Variants in RIC8B observed in about 807,000 individuals in gnomAD.
RIC8B encodes chaperone Ric-8B.
RIC8B carries 16 observed loss-of-function variants against 57.5 expected under a neutral mutation model. The observed-to-expected ratio is 0.28, with a 90% CI of 0.19 to 0.42. The LOEUF (loss-of-function observed/expected upper bound fraction) is 0.42. RIC8B is among the 10% of genes least tolerant of loss of function. RIC8B has a pLI of 1.00. For missense variants in RIC8B, 481 were observed against 677.0 expected (o/e 0.71, Z 3.21); for synonymous variants, 216 against 250.8 (o/e 0.86, Z 1.31).
chr12:106,882,974 T>A lies in RIC8B; in HGVS notation c.1572-2930T>A, dbSNP rs1593419947. Among the ~76,000 whole-genome samples the A allele has an allele frequency of 3.9e-5, 6 of 152,306 alleles. No individual in the cohort carries two copies. The South Asian group carries it at 1.2e-3, about 32-fold the overall frequency. Reference sequence around the variant, plus strand: ...ATTTTTAATTATTTGCATAATTGGATTAGGGAGCAAGGGTAAAGCTGATAG... The same window carrying A: ...ATTTTTAATTATTTGCATAATTGGAATAGGGAGCAAGGGTAAAGCTGATAG... On this transcript the variant is annotated intron_variant, in intron 9 of 9. Coordinates refer to ENST00000392837, the MANE Select transcript of RIC8B (RefSeq NM_001330145.2).
chr12:106,837,121 T>C (rs1049445092), intron 4 of RIC8B, among the ~76,000 whole-genome samples: 1 of 152,216 alleles, frequency 6.6e-6, no homozygotes, highest in African/African-American at 2.4e-5. Context: ...CCCAGCACTT[T>C]GGGAGGCTGA....
intron 7 of RIC8B, among the ~76,000 whole-genome samples, chr12:106,856,572 A>G (rs1222084666): frequency 3.9e-5 from 6 of 152,260 alleles, no homozygotes; most frequent in Middle Eastern, 6.8e-3. Flanking sequence ...CTTAAGCATC[A>G]TCTCTGTGAA....
In RIC8B at chr12:106,788,500, G is replaced by A. The variant is rs190667088; in HGVS notation, c.132+4456G>A. 2.8e-3 allele frequency among the ~76,000 whole-genome samples: 422 copies of A among 152,274 alleles called. 1 individual carries two copies. Among genetic ancestry groups the A allele is most frequent in the African/African-American group, 9.3e-3 (385 of 41,550 alleles). On this transcript the variant is annotated intron_variant, in intron 2 of 9. Transcript: ENST00000392837. The stretch of plus-strand genomic sequence containing the variant: ...AGCAGAGGTTCTCCATGAGGGCCCC[G>A]CCCCTGCAGCAAACTTTTGCCTGGG...
intron 8 of RIC8B, 108 bp from the exon 9 acceptor site, chr12:106,870,715 T>G (rs1950366257): frequency 2.5e-6 from 2 of 814,964 alleles, no homozygotes; most frequent in Non-Finnish European, 3.5e-6. Context: ...TATTGCCAAT[T>G]TTTTGGCTAT....
intron 1 of RIC8B, among the ~76,000 whole-genome samples, chr12:106,777,022 T>C (rs2043527210): frequency 2.0e-5 from 3 of 152,228 alleles, no homozygotes; most frequent in Admixed American, 2.0e-4. Flanking sequence ...AGCACTGGGC[T>C]AACTTTTTAA....
chr12:106,875,975 C>T (rs1021122647), intron 9 of RIC8B, among the ~76,000 whole-genome samples: 3 of 152,084 alleles, frequency 2.0e-5, no homozygotes, highest in Non-Finnish European at 4.4e-5. Context: ...TTATTTTACT[C>T]TCCTTACAAA....
At chr12:106,877,632 AAG>A in intron 9 of RIC8B, among the ~76,000 whole-genome samples, 1 of 152,308 alleles carries the variant, frequency 6.6e-6, no homozygotes, top group Non-Finnish European at 1.5e-5. Context: ...TTGTTTTAAA[AAG>A]AGAATGATTA....
At chr12:106,787,799 C>T (rs1040296196) in intron 2 of RIC8B, among the ~76,000 whole-genome samples, 2 of 152,114 alleles carry the variant, frequency 1.3e-5, no homozygotes, top group Admixed American at 1.3e-4. Flanking sequence ...GTGGGAATTA[C>T]GGGAGTACAA....
At chr12:106,853,453 C>CTTTTTTTTGTTTTTTTTTTTT (rs1949565482) in intron 7 of RIC8B, among the ~76,000 whole-genome samples, 1 of 38,022 alleles carries the variant, frequency 2.6e-5, no homozygotes, top group Non-Finnish European at 4.3e-5. Context: ...GCTTTATAGT[C>CTTTTTTTTGTTTTTTTTTTTT]TTTTTTTTTT....
At chr12:106,871,167 A>T (rs1230400720) in intron 9 of RIC8B, 1 of 360,998 alleles carries the variant, frequency 2.8e-6, no homozygotes, top group East Asian at 4.1e-5. Flanking sequence ...AAGCTAAGAT[A>T]GTAACTACCA....
At chr12:106,878,823 T>G (rs759822946) in intron 9 of RIC8B, among the ~76,000 whole-genome samples, 1 of 130,930 alleles carries the variant, frequency 7.6e-6, no homozygotes, top group Non-Finnish European at 1.8e-5. Flanking sequence ...ATGCCTCATG[T>G]TCCCCCCCCC....
In RIC8B at chr12:106,879,226, T is replaced by C. The variant is rs2136656665; in HGVS notation, c.1572-6678T>C. On this transcript the variant is annotated intron_variant, in intron 9 of 9. Transcript: ENST00000392837. The surrounding 1 kb of genome is among the most constrained non-coding windows in gnomAD (Gnocchi z 4.9). ...CTGTTTTTCAACAAGTACACTTGAA[T>C]TGAATGTTTTGTTTGTATTGCACAA... 2 of 985,832 alleles carry C rather than the reference T, an allele frequency of 2.0e-6. No homozygotes were observed. The highest frequency in any genetic ancestry group is 4.7e-5 in the South Asian group (1 of 21,284). 61.1% of individuals were successfully genotyped at this position (985,832 alleles called of 1,614,324 possible). A position where few individuals can be genotyped will look rare whatever the true frequency, so the allele number is the denominator to read the frequency against.
chr12:106,794,256 C>G (rs771753743), intron 2 of RIC8B, among the ~76,000 whole-genome samples: 5 of 151,908 alleles, frequency 3.3e-5, no homozygotes, highest in Non-Finnish European at 5.9e-5. Context: ...AGAGAATATT[C>G]AAGGCAAAGA....
chr12:106,862,208 T>G (rs2589266), intron 8 of RIC8B, among the ~76,000 whole-genome samples: 99,861 of 151,928 alleles, frequency 0.66, 34,320 homozygotes, highest in African/African-American at 0.87. Flanking sequence ...TGGTATGTTT[T>G]TGTAGTCAGA....
At chr12:106,868,913 T>G (rs1950266925) in intron 8 of RIC8B, among the ~76,000 whole-genome samples, 1 of 148,540 alleles carries the variant, frequency 6.7e-6, no homozygotes, top group South Asian at 2.2e-4. Context: ...TTTTTCAAAG[T>G]TTCTCAAGTG....
At chr12:106,838,242 C>T (rs1451632396) in intron 4 of RIC8B, among the ~76,000 whole-genome samples, 1 of 152,096 alleles carries the variant, frequency 6.6e-6, no homozygotes, top group Non-Finnish European at 1.5e-5. Context: ...AAAATAGTCT[C>T]TTCAATAAAT....
chr12:106,805,351 T>G (rs1331952698), intron 2 of RIC8B, among the ~76,000 whole-genome samples: 1 of 152,112 alleles, frequency 6.6e-6, no homozygotes, highest in Non-Finnish European at 1.5e-5. Flanking sequence ...TTAAAATCTT[T>G]CCTCTGCTGG....
intron 2 of RIC8B, among the ~76,000 whole-genome samples, chr12:106,799,863 G>A (rs560036497): frequency 6.6e-6 from 1 of 152,130 alleles, no homozygotes; most frequent in South Asian, 2.1e-4. Flanking sequence ...GGCTATCTTA[G>A]TCTGCTTGAG....
chr12:106,791,282 T>A (rs1201943160), intron 2 of RIC8B, among the ~76,000 whole-genome samples: 1 of 152,190 alleles, frequency 6.6e-6, no homozygotes, highest in Admixed American at 6.5e-5. Context: ...ACTGTGGATA[T>A]TTTTCTTTTC....
Sources: allele counts gnomAD v4.1 joint callset (sites outside exome capture counted in the v4.1 genomes callset), GRCh38; gene constraint gnomAD v4.1.1; non-coding constraint Gnocchi (gnomAD v3.1); transcripts MANE v1.5; gene names NCBI Gene and HGNC (gene_info 2026-07-23, HGNC 2026-07-21).